The following CEP131 variants were observed in gnomAD, a reference collection of about 807,000 sequenced individuals.
The protein encoded by CEP131 is centrosomal protein of 131 kDa.
In CEP131, 99 loss-of-function variants were observed where a neutral mutation model predicts 136.8. The observed-to-expected ratio is 0.72, with a 90% confidence interval of 0.62 to 0.86. CEP131 has a LOEUF of 0.86. CEP131 is among the 40% of genes least tolerant of loss of function. The pLI is 0.00. For synonymous variants in CEP131, 646 were observed against 612.7 expected (o/e 1.05, Z -0.80); for missense variants, 1,459 against 1,463.0 (o/e 1.00, Z 0.04).
chr17:81,205,861 C>A (rs908133993), intron 5 of CEP131, among the ~76,000 whole-genome samples: 3 of 152,070 alleles, frequency 2.0e-5, no homozygotes, highest in African/African-American at 4.8e-5. Context: ...ATCGTGGACT[C>A]CAGTCAGGGT....
At position 81,197,893 on chromosome 17, in the gene CEP131, G is replaced by A. The variant is rs747746324; in HGVS notation, c.1471-5C>T. On this transcript the variant is annotated splice_region_variant and splice_polypyrimidine_tract_variant and intron_variant, in intron 12 of 25. Coordinates refer to ENST00000450824, the MANE Select transcript of CEP131 (RefSeq NM_014984.4). ...CAGAGAGCTGGCGTCATCCTCCTGT[G>A]GGACAGGAGCCCAGCATCGGGGGCT... 1.9e-6 allele frequency: 3 copies of A among 1,610,468 alleles called. No homozygotes were observed. The highest frequency in any genetic ancestry group is 2.5e-6 in the Non-Finnish European group (3 of 1,178,216).
At position 81,199,507 on chromosome 17, in the gene CEP131, T is replaced by C; in HGVS notation, c.1066A>G (p.Thr356Ala). 3 of 1,608,818 alleles carry C rather than the reference T, an allele frequency of 1.9e-6. No individual in the cohort carries two copies. The highest frequency in any genetic ancestry group is 2.5e-6 in the Non-Finnish European group (3 of 1,178,178). ...TTCTCAGGTGGCCCACGCTCGGCAGTGCTCGCCTTCTGGGCTCTCAGGGCT... is the reference window on the plus strand; with the variant it reads ...TTCTCAGGTGGCCCACGCTCGGCAGCGCTCGCCTTCTGGGCTCTCAGGGCT... ...KRALRAQKAS[T>A]AERGPPENPR... The change falls in exon 10 of 26, where the codon ACT becomes GCT. Residue 356 changes from threonine (T) to alanine (A), a missense_variant. Thr to Ala is a moderately conservative substitution (Grantham distance 58). This residue lies in a region of CEP131 where 246 missense variants were observed against 318.9 expected (regional missense o/e 0.77). Coordinates refer to ENST00000450824, the MANE Select transcript of CEP131 (RefSeq NM_014984.4).
chr17:81,192,884 G>A, intron 18 of CEP131, 41 bp from the exon 19 acceptor site: 2 of 1,574,136 alleles, frequency 1.3e-6, no homozygotes, highest in South Asian at 2.3e-5. Flanking sequence ...GCCGGGACGG[G>A]CGGTCCCAGG....
In CEP131 at chr17:81,196,683, G is replaced by A. The variant is rs527771707; in HGVS notation, c.1899+18C>T. On this transcript the variant is annotated intron_variant, in intron 15 of 25. Coordinates refer to ENST00000450824, the MANE Select transcript of CEP131 (RefSeq NM_014984.4). ...CCACGCGCTGGGTCCGGGCCTCTGCGCTCCCCGGGCCGCTCACCTGGTCAA... is the reference window on the plus strand; with the variant it reads ...CCACGCGCTGGGTCCGGGCCTCTGCACTCCCCGGGCCGCTCACCTGGTCAA... The A allele has an allele frequency of 6.3e-6, 10 of 1,597,148 alleles. No individual in the cohort carries two copies. The highest frequency in any genetic ancestry group is 1.9e-4 in the Middle Eastern group (1 of 5,400).
chr17:81,199,928 C>T (rs2061852931), intron 8 of CEP131, 93 bp from the exon 9 acceptor site: 6 of 1,301,574 alleles, frequency 4.6e-6, no homozygotes, highest in South Asian at 3.6e-5. Flanking sequence ...CTGGAGTCCC[C>T]TAGAGTTCGT....
At chr17:81,204,349 A>T (rs2659032) in intron 5 of CEP131, among the ~76,000 whole-genome samples, 1 of 151,984 alleles carries the variant, frequency 6.6e-6, no homozygotes. Context: ...CAGGACAGCC[A>T]CCGCCACCCC....
In CEP131 at chr17:81,197,711, C is replaced by T; in HGVS notation, c.1647+1G>A. ...CCGGGTGCGGGCTGGTGAGGGGCCA[C>T]CTCCTGCTGGGAGTCCAGCTGGTCC... is the stretch of plus-strand genomic sequence containing the variant. On this transcript the variant is annotated splice_donor_variant, in intron 13 of 25. Transcript: ENST00000450824. LOFTEE classifies it high-confidence loss of function. 6.2e-7 allele frequency: 1 copy of T among 1,608,788 alleles called. No homozygotes were observed. The highest frequency in any genetic ancestry group is 8.5e-7 in the Non-Finnish European group (1 of 1,177,534).
rs371506913 is a variant in CEP131, at chr17:81,203,143, C to T, written c.629+351G>A. On this transcript the variant is annotated intron_variant, in intron 6 of 25. Transcript: ENST00000450824. This position sits in a 1 kb window ranked among gnomAD's most constrained non-coding sequence, Gnocchi z 4.6. ...GCTGTGACGCCTTCTGGGCTCTGCA[C>T]AAGCCTTGGCTTCCTCCTGGGGGCC... Among the ~76,000 whole-genome samples the T allele has an allele frequency of 3.4e-3, 517 of 152,290 alleles. 2 individuals carry two copies. The highest frequency in any genetic ancestry group is 0.012 in the African/African-American group (482 of 41,554).
intron 2 of CEP131, among the ~76,000 whole-genome samples, chr17:81,217,741 T>TCCG: frequency 6.6e-6 from 1 of 152,074 alleles, no homozygotes; most frequent in South Asian, 2.1e-4. Flanking sequence ...CTGTTAGCAG[T>TCCG]CGCCACTCAA....
At chr17:81,206,302 C>G (rs2062007693) in intron 5 of CEP131, among the ~76,000 whole-genome samples, 2 of 152,188 alleles carry the variant, frequency 1.3e-5, no homozygotes, top group Non-Finnish European at 2.9e-5. Context: ...GGCAAAGGCT[C>G]TAAATGCCGG....
At chr17:81,201,512 G>T (rs2061890634) in intron 7 of CEP131, among the ~76,000 whole-genome samples, 1 of 152,166 alleles carries the variant, frequency 6.6e-6, no homozygotes, top group South Asian at 2.1e-4. Flanking sequence ...GGGTGTTGTT[G>T]GCTTTTTTCA....
rs2146660249 is a variant in CEP131, at chr17:81,208,472, A to C, written c.272+456T>G. 6.6e-6 allele frequency among the ~76,000 whole-genome samples: 1 copy of C among 152,266 alleles called. No homozygotes were observed. The highest frequency in any genetic ancestry group is 1.9e-4 in the East Asian group (1 of 5,172). ...CACAACACCCCCACTGGGGCCATTG[A>C]GGCAGCTCCTCCCCAGCCCGCTGGT... On this transcript the variant is annotated intron_variant, in intron 3 of 25. Coordinates refer to ENST00000450824, the MANE Select transcript of CEP131 (RefSeq NM_014984.4). The surrounding 1 kb of genome is among the most constrained non-coding windows in gnomAD (Gnocchi z 5.6).
At position 81,219,881 on chromosome 17, in the gene CEP131, A is replaced by G; in HGVS notation, c.176T>C (p.Leu59Pro). The G allele has an allele frequency of 1.2e-6, 2 of 1,602,956 alleles. No individual in the cohort carries two copies. Among genetic ancestry groups the G allele is most frequent in the Non-Finnish European group, 1.7e-6 (2 of 1,174,332 alleles). Reference sequence around the variant, plus strand: ...GGACTCCTAGGCCACAGTACTCACCAGCACCTTCCTCTTCTGCTCGCTGCC... The same window carrying G: ...GGACTCCTAGGCCACAGTACTCACCGGCACCTTCCTCTTCTGCTCGCTGCC... ...VTGSEQKRKVLEATGPGGSQA... is the reference protein window; with the variant it reads ...VTGSEQKRKVPEATGPGGSQA... Residue 59 changes from leucine to proline, a missense_variant and splice_region_variant, in exon 2 of 26, where the codon CTG (leucine) becomes CCG (proline). Leu to Pro is a moderately conservative substitution (Grantham distance 98). Transcript: ENST00000450824. The surrounding 1 kb of genome is among the most constrained non-coding windows in gnomAD (Gnocchi z 4.0).
At chr17:81,221,900 C>A (rs2062397072) in intron 1 of CEP131, among the ~76,000 whole-genome samples, 1 of 152,210 alleles carries the variant, frequency 6.6e-6, no homozygotes, top group Non-Finnish European at 1.5e-5. Context: ...TCACCCTGGG[C>A]TTCCTTCAGC....
chr17:81,195,765 G>C (rs2061740690), intron 16 of CEP131, 70 bp downstream of exon 16: 4 of 1,374,378 alleles, frequency 2.9e-6, no homozygotes, highest in South Asian at 2.4e-5. Context: ...CCTGTTCTGG[G>C]GGCTGTGCCA....
intron 4 of CEP131, 105 bp downstream of exon 4, chr17:81,207,020 A>G: frequency 6.6e-7 from 1 of 1,514,682 alleles, no homozygotes; most frequent in South Asian, 1.3e-5. Flanking sequence ...TAAGCTTGAC[A>G]CCCTCCCTGC....
intron 1 of CEP131, among the ~76,000 whole-genome samples, chr17:81,221,134 A>AC (rs1293114160): frequency 2.6e-5 from 4 of 151,132 alleles, no homozygotes; most frequent in Admixed American, 1.3e-4. Context: ...CAAAAAAAAA[A>AC]AAAAAAAAAA....
At chr17:81,197,555 AC>A (rs2061788082) in intron 13 of CEP131, 156 bp downstream of exon 13, 1 of 1,145,560 alleles carries the variant, frequency 8.7e-7, no homozygotes, top group Non-Finnish European at 1.2e-6. Flanking sequence ...GTGAGGGACC[AC>A]CTCCTGCTGG....
Position 81,198,926 on chromosome 17 carries a change from G to T in CEP131, c.1238C>A (p.Thr413Asn). The T allele has an allele frequency of 6.3e-7, 1 of 1,593,060 alleles. No homozygotes were observed. The highest frequency in any genetic ancestry group is 8.5e-7 in the Non-Finnish European group (1 of 1,171,008). ...AAGPGDRCLP[T>N]SDSSPEPQQP... ...CTGTGGTTCTGGGGATGAGTCGGAG[G>T]TGGGCAGGCAGCGGTCTCCGGGGCC... is the stretch of plus-strand genomic sequence containing the variant. The change falls in exon 11 of 26, where the codon ACC becomes AAC. Residue 413 changes from threonine to asparagine, a missense_variant. Coordinates refer to ENST00000450824, the MANE Select transcript of CEP131 (RefSeq NM_014984.4).
Sources: gnomAD v4.1 joint callset for allele counts (sites outside exome capture counted in the v4.1 genomes callset) on GRCh38, gnomAD v4.1.1 for gene constraint, gnomAD v4.1.1 regional missense constraint, Gnocchi (gnomAD v3.1) non-coding constraint, MANE v1.5 for transcripts, NCBI Gene and HGNC (gene_info 2026-07-23, HGNC 2026-07-21) for gene names.